Variants in ITGA8 observed in about 807,000 individuals in gnomAD.
The protein encoded by ITGA8 is integrin alpha-8.
Under a neutral mutation model 142.3 loss-of-function variants are expected in ITGA8, and 91 were observed. The observed-to-expected ratio is 0.64, with a 90% CI of 0.54 to 0.76. The LOEUF (loss-of-function observed/expected upper bound fraction) is 0.76. ITGA8 is among the 30% of genes least tolerant of loss of function. The pLI is 0.00. For missense variants in ITGA8, 1,406 were observed against 1,327.7 expected, an observed-to-expected ratio of 1.06 and a Z score of -0.92; for synonymous variants, 505 against 485.2, an observed-to-expected ratio of 1.04 and a Z score of -0.54.
chr10:15,635,958 G>C (rs960159208), intron 13 of ITGA8, among the ~76,000 whole-genome samples: 6 of 112,314 alleles, frequency 5.3e-5, no homozygotes, highest in South Asian at 2.8e-4. Flanking sequence ...CACACACACA[G>C]AGCACTCATT....
At chr10:15,566,682 A>G (rs924716021) in intron 25 of ITGA8, among the ~76,000 whole-genome samples, 1 of 151,740 alleles carries the variant, frequency 6.6e-6, no homozygotes, top group African/African-American at 2.4e-5. Flanking sequence ...TGGGTGGTAC[A>G]TTCCTGTAGT....
chr10:15,671,475 C>T (rs1834516749), intron 8 of ITGA8, 128 bp downstream of exon 8: 2 of 699,612 alleles, frequency 2.9e-6, no homozygotes, highest in Middle Eastern at 2.5e-4. Context: ...AAAGTATAGG[C>T]ACTCTGGGAC....
chr10:15,580,715 GA>G (rs953469003), intron 23 of ITGA8, among the ~76,000 whole-genome samples: 20 of 152,076 alleles, frequency 1.3e-4, no homozygotes, highest in Non-Finnish European at 2.8e-4. Context: ...ATAAGCATTT[GA>G]AAAAAACTAA....
At chr10:15,592,555 G>T (rs45624636) in intron 21 of ITGA8, among the ~76,000 whole-genome samples, 3 of 152,166 alleles carry the variant, frequency 2.0e-5, no homozygotes, top group Non-Finnish European at 4.4e-5. Context: ...ACCTTTTTGT[G>T]TGTTAAATTG....
chr10:15,685,015 G>T (rs1260093550), intron 3 of ITGA8, among the ~76,000 whole-genome samples: 1 of 152,118 alleles, frequency 6.6e-6, no homozygotes, highest in Non-Finnish European at 1.5e-5. Flanking sequence ...TTTTGGCTTG[G>T]TTTTTCACTT....
intron 14 of ITGA8, among the ~76,000 whole-genome samples, chr10:15,615,247 C>T (rs1833371268): frequency 6.6e-6 from 1 of 152,188 alleles, no homozygotes; most frequent in African/African-American, 2.4e-5. Context: ...AAACGCAAGC[C>T]CCATACTTCA....
chr10:15,603,804 C>T (rs1023281389), intron 20 of ITGA8, among the ~76,000 whole-genome samples: 3 of 152,176 alleles, frequency 2.0e-5, no homozygotes, highest in Non-Finnish European at 4.4e-5. Flanking sequence ...GCTGGACCTT[C>T]TTCCCTAACC....
rs1469077046 is a variant in ITGA8 at position 15,719,809 on chromosome 10, G to A, written c.-38C>T. On this transcript the variant is annotated 5_prime_UTR_variant, in exon 1 of 30. Coordinates refer to ENST00000378076, the MANE Select transcript of ITGA8 (RefSeq NM_003638.3). ...CGGTGGGTGGCTGCTACCCAGGAGC[G>A]CGAGCCGAGGACCCCTGCGGGGCAA... 8 of 1,310,554 alleles carry A rather than the reference G, an allele frequency of 6.1e-6. No homozygotes were observed. The highest frequency in any genetic ancestry group is 2.2e-5 in the South Asian group (1 of 45,786). 81.2% of individuals were successfully genotyped at this position (1,310,554 alleles called of 1,614,324 possible).
rs767281690 is a variant in ITGA8 at position 15,644,154 on chromosome 10, G to A, written c.1275C>T (p.Asn425=). The A allele has an allele frequency of 1.9e-6, 3 of 1,613,966 alleles. No homozygotes were observed. The highest frequency in any genetic ancestry group is 2.2e-5 in the East Asian group (1 of 44,878). The change falls in exon 13 of 30, where the codon AAC becomes AAT. Residue 425 remains asparagine, a synonymous_variant. Coordinates refer to ENST00000378076, the MANE Select transcript of ITGA8 (RefSeq NM_003638.3). ...AAGGCTTGGTGTTTAAGCCATCTTT[G>A]TTCCCATTATAAATGAGCACTTTGC... ...QRGKVLIYNG[N]KDGLNTKPSQ... is the part of the protein sequence containing the mutation.
intron 13 of ITGA8, among the ~76,000 whole-genome samples, chr10:15,630,556 G>C (rs1485018909): frequency 6.6e-6 from 1 of 151,938 alleles, no homozygotes; most frequent in Admixed American, 6.5e-5. Context: ...AAGGACAACA[G>C]TTCAGGGAAG....
At chr10:15,553,205 T>C (rs1282503339) in intron 26 of ITGA8, among the ~76,000 whole-genome samples, 1 of 151,462 alleles carries the variant, frequency 6.6e-6, no homozygotes, top group Non-Finnish European at 1.5e-5. Context: ...TACAGTAAGC[T>C]GAGATTGCAC....
At chr10:15,643,245 C>T (rs1304321051) in intron 13 of ITGA8, among the ~76,000 whole-genome samples, 6 of 152,126 alleles carry the variant, frequency 3.9e-5, no homozygotes, top group Non-Finnish European at 8.8e-5. Context: ...TTAAAATGTT[C>T]AGTCTATCTT....
chr10:15,524,709 T>A (rs1337055357), intron 28 of ITGA8, among the ~76,000 whole-genome samples: 1 of 152,248 alleles, frequency 6.6e-6, no homozygotes. Flanking sequence ...AGAAGACGAC[T>A]TAACTGATCA....
Position 15,517,117 on chromosome 10 carries a change from G to A in ITGA8, c.*41C>T. ...CATGTTCTTTCTTTTTCTTTGAACAGGACCAGTGTTTGAGGTCTTTGGTCT... is the reference window on the plus strand; with the variant it reads ...CATGTTCTTTCTTTTTCTTTGAACAAGACCAGTGTTTGAGGTCTTTGGTCT... On this transcript the variant is annotated 3_prime_UTR_variant, in exon 30 of 30. Coordinates refer to ENST00000378076, the MANE Select transcript of ITGA8 (RefSeq NM_003638.3). The A allele has an allele frequency of 7.1e-7, 1 of 1,405,044 alleles. No individual in the cohort carries two copies. Among genetic ancestry groups the A allele is most frequent in the African/African-American group, 1.4e-5 (1 of 69,756 alleles). The allele number at this position is 1,405,044 out of a possible 1,614,324, so 87.0% of individuals were successfully genotyped here.
chr10:15,699,250 C>A (rs370509230), intron 2 of ITGA8, among the ~76,000 whole-genome samples: 1 of 152,206 alleles, frequency 6.6e-6, no homozygotes, highest in African/African-American at 2.4e-5. Flanking sequence ...CACCACTGTA[C>A]TCTAGCCTGG....
chr10:15,703,171 T>C (rs374978043), intron 2 of ITGA8, among the ~76,000 whole-genome samples: 4 of 152,360 alleles, frequency 2.6e-5, no homozygotes, highest in Non-Finnish European at 5.9e-5. Context: ...CATGGGCTTG[T>C]AATAGCAACA....
intron 14 of ITGA8, among the ~76,000 whole-genome samples, chr10:15,614,303 AG>A (rs1458770321): frequency 7.2e-5 from 11 of 152,228 alleles, no homozygotes; most frequent in South Asian, 2.1e-4. Flanking sequence ...TACACGAAGC[AG>A]GGTTTGCAGA....
Position 15,719,576 on chromosome 10 carries a change from G to T in ITGA8, c.196C>A (p.Pro66Thr). ...YFGYAVDFHIPDARTASVLVG... is the reference protein window; with the variant it reads ...YFGYAVDFHITDARTASVLVG... ...CGGGCGACTTACGTGCGGGCGTCGG[G>T]TATGTGGAAGTCCACGGCGTAGCCG... The change falls in exon 1 of 30, where the codon CCC becomes ACC. Residue 66 changes from proline (P) to threonine (T), a missense_variant. Coordinates refer to ENST00000378076, the MANE Select transcript of ITGA8 (RefSeq NM_003638.3). 1 of 1,563,514 alleles carries T rather than the reference G, an allele frequency of 6.4e-7. No individual in the cohort carries two copies. The highest frequency in any genetic ancestry group is 1.4e-5 in the African/African-American group (1 of 70,844).
intron 22 of ITGA8, among the ~76,000 whole-genome samples, chr10:15,589,709 C>T (rs954649997): frequency 6.6e-6 from 1 of 151,910 alleles, no homozygotes; most frequent in Non-Finnish European, 1.5e-5. Flanking sequence ...GATAAATGCT[C>T]ACCTCTCAAA....
Sources: allele counts gnomAD v4.1 joint callset (sites outside exome capture counted in the v4.1 genomes callset), GRCh38; gene constraint gnomAD v4.1.1; transcripts MANE v1.5; gene names NCBI Gene and HGNC (gene_info 2026-07-23, HGNC 2026-07-21).